MOXD1: variants seen among roughly 807,000 people sequenced by gnomAD.
MOXD1 encodes the protein monooxygenase DBH like 1.
A neutral mutation model predicts 66.6 loss-of-function variants in MOXD1; 62 were observed. The observed-to-expected ratio is 0.93, with a 90% CI of 0.76 to 1.15. The LOEUF (loss-of-function observed/expected upper bound fraction) is 1.15. MOXD1 is among the 50% of genes most tolerant of loss of function. MOXD1 has a pLI of 0.00. For missense variants in MOXD1, 847 were observed against 754.6 expected (o/e 1.12, Z -1.44); for synonymous variants, 303 against 281.9 (o/e 1.07, Z -0.75).
At chr6:132,391,374 T>G (rs1420952415) in intron 1 of MOXD1, 1 of 152,184 alleles carries the variant, frequency 6.6e-6, no homozygotes, top group African/African-American at 2.4e-5. Context: ...TAATAAAAAT[T>G]ATCCATTTGA....
rs199885621 is a variant in MOXD1 at position 132,308,383 on chromosome 6, C to T, written c.1508+7252G>A. ...TGAAGTTGAGGCAGTAATTAATAGC[C>T]TACTAACAAAAAGAAGCCCAGGAAC... On this transcript the variant is annotated intron_variant, in intron 10 of 11. Coordinates refer to ENST00000367963, the MANE Select transcript of MOXD1 (RefSeq NM_015529.4). Among the ~76,000 whole-genome samples the T allele has an allele frequency of 5.9e-5, 9 of 152,096 alleles. No homozygotes were observed. The East Asian group carries it at 1.5e-3, about 26-fold the overall frequency.
At chr6:132,341,292 G>A (rs944674549) in intron 4 of MOXD1, among the ~76,000 whole-genome samples, 7 of 152,080 alleles carry the variant, frequency 4.6e-5, no homozygotes, top group South Asian at 2.1e-4. Flanking sequence ...TCTTGGAATC[G>A]GACAATAGCT....
chr6:132,400,811 C>CCCAAAG (rs2114705763), intron 1 of MOXD1, among the ~76,000 whole-genome samples: 2 of 152,276 alleles, frequency 1.3e-5, no homozygotes, highest in South Asian at 4.1e-4. Flanking sequence ...CCATTAGGTC[C>CCCAAAG]CCAAAGCCAA....
intron 4 of MOXD1, among the ~76,000 whole-genome samples, chr6:132,342,334 G>C (rs1031484913): frequency 6.6e-6 from 1 of 152,178 alleles, no homozygotes; most frequent in Admixed American, 6.5e-5. Context: ...AAAACTAAAG[G>C]AGAAATGTGT....
intron 4 of MOXD1, among the ~76,000 whole-genome samples, chr6:132,344,257 C>T (rs187947312): frequency 1.3e-5 from 2 of 152,164 alleles, no homozygotes; most frequent in East Asian, 1.9e-4. Context: ...ACTGAATGGC[C>T]CATGACAACT....
chr6:132,389,783 C>G lies in MOXD1; in HGVS notation c.264+11380G>C, dbSNP rs972835936. ...CAAAAGGATCTGGGTCTGCCAAGTA[C>G]CAGGAGGCCTAGTGTCTACCTGGTT... is the stretch of plus-strand genomic sequence containing the variant. On this transcript the variant is annotated intron_variant, in intron 1 of 11. Coordinates refer to ENST00000367963, the MANE Select transcript of MOXD1 (RefSeq NM_015529.4). 5.3e-5 allele frequency among the ~76,000 whole-genome samples: 8 copies of G among 151,422 alleles called. 1 individual carries two copies. The highest frequency in any genetic ancestry group is 1.0e-4 in the Non-Finnish European group (7 of 67,710).
Position 132,372,898 on chromosome 6 carries a change from A to T in MOXD1, c.511T>A (p.Leu171Ile). 6.2e-7 allele frequency: 1 copy of T among 1,614,010 alleles called. No homozygotes were observed. The highest frequency in any genetic ancestry group is 8.5e-7 in the Non-Finnish European group (1 of 1,179,936). Residue 171 changes from leucine to isoleucine, a missense_variant, in exon 3 of 12, where the codon TTA becomes ATA. Coordinates refer to ENST00000367963, the MANE Select transcript of MOXD1 (RefSeq NM_015529.4). The part of the protein sequence containing the change: ...DSNRGTKSLR[L>I]LNPEKTSVLS... ...ACACTAGTTTTCTCAGGATTCAATA[A>T]CCGCAAACTCTTGGTGCCCCTATTG...
At position 132,297,817 on chromosome 6, in the gene MOXD1, T is replaced by A; in HGVS notation, c.1647A>T (p.Arg549Ser). ...ACTCAGCATTGTCTGTCTTGGAACA[T>A]CTCACATTCACTGGCAGGCTGAGGA... The part of the protein sequence containing the change: ...KLVLSLPVNV[R>S]CSKTDNAEWS... The change falls in exon 11 of 12, where the codon AGA (arginine) becomes AGT (serine). Residue 549 changes from arginine to serine, a missense_variant. Arg to Ser is a moderately radical substitution (Grantham distance 110). Transcript: ENST00000367963. The A allele has an allele frequency of 3.1e-6, 5 of 1,612,502 alleles. No individual in the cohort carries two copies. Among genetic ancestry groups the A allele is most frequent in the East Asian group, 2.2e-5 (1 of 44,804 alleles).
In MOXD1 at chr6:132,297,011, T is replaced by C; in HGVS notation, c.*142A>G. 5 of 722,914 alleles carry C rather than the reference T, an allele frequency of 6.9e-6. No individual in the cohort carries two copies. The highest frequency in any genetic ancestry group is 1.1e-5 in the Non-Finnish European group (5 of 450,550). 44.8% of individuals were successfully genotyped at this position (722,914 alleles called of 1,614,324 possible). A position where few individuals can be genotyped will look rare whatever the true frequency, so the allele number is the denominator to read the frequency against. ...CCTGATTGATGTCTCTCATGTAACA[T>C]GGAAAGGAAAAAGGAGGGAGGGAAA... On this transcript the variant is annotated 3_prime_UTR_variant, in exon 12 of 12. Coordinates refer to ENST00000367963, the MANE Select transcript of MOXD1 (RefSeq NM_015529.4).
intron 6 of MOXD1, among the ~76,000 whole-genome samples, chr6:132,325,564 C>T (rs1050005128): frequency 6.6e-6 from 1 of 152,164 alleles, no homozygotes; most frequent in Non-Finnish European, 1.5e-5. Context: ...TCATCAGATG[C>T]CAGTACCTTG....
At chr6:132,312,378 C>T (rs1241063461) in intron 10 of MOXD1, among the ~76,000 whole-genome samples, 1 of 152,014 alleles carries the variant, frequency 6.6e-6, no homozygotes, top group East Asian at 1.9e-4. Context: ...TGGTAATATT[C>T]TTCTAAGCAA....
rs373137834 is a variant in MOXD1, at chr6:132,339,867, C to CTTT, written c.664-11276_664-11274dup. ...GCAAGCTCAAAATGAAGCTACAGCT[C>CTTT]TTTTTTTTTTTTTTTTTTCTGTGAT... On this transcript the variant is annotated intron_variant, in intron 4 of 11. Coordinates refer to ENST00000367963, the MANE Select transcript of MOXD1 (RefSeq NM_015529.4). Among the ~76,000 whole-genome samples, 183 of 132,324 alleles carry CTTT rather than the reference C, an allele frequency of 1.4e-3. 2 individuals are homozygous for CTTT. The highest frequency in any genetic ancestry group is 4.9e-3 in the African/African-American group (170 of 34,514). 86.8% of individuals were successfully genotyped at this position (132,324 alleles called of 152,430 possible). A position where few individuals can be genotyped will look rare whatever the true frequency, so the allele number is the denominator to read the frequency against.
intron 4 of MOXD1, among the ~76,000 whole-genome samples, chr6:132,348,999 G>A (rs1320641001): frequency 2.0e-5 from 3 of 151,518 alleles, no homozygotes; most frequent in African/African-American, 7.3e-5. Flanking sequence ...ATTTTTCCAA[G>A]GGTTACGGGG....
intron 1 of MOXD1, among the ~76,000 whole-genome samples, chr6:132,399,540 T>A (rs1776973552): frequency 6.6e-6 from 1 of 152,212 alleles, no homozygotes; most frequent in Admixed American, 6.5e-5. Context: ...TTTATCTTTG[T>A]GGTGGGCCTA....
intron 10 of MOXD1, among the ~76,000 whole-genome samples, chr6:132,308,879 A>G (rs1385806003): frequency 1.3e-5 from 2 of 152,196 alleles, no homozygotes; most frequent in Non-Finnish European, 2.9e-5. Flanking sequence ...TCAAAATAAT[A>G]AGAGCTATTT....
intron 10 of MOXD1, among the ~76,000 whole-genome samples, chr6:132,300,036 A>G (rs1774497225): frequency 6.6e-6 from 1 of 152,078 alleles, no homozygotes; most frequent in South Asian, 2.1e-4. Flanking sequence ...TATTTCTTCC[A>G]TATCTAATAA....
Position 132,297,827 on chromosome 6 carries a change from A to G in MOXD1, c.1637T>C (p.Val546Ala). The part of the protein sequence containing the change: ...SFNKLVLSLP[V>A]NVRCSKTDNA... ...GTCTGTCTTGGAACATCTCACATTC[A>G]CTGGCAGGCTGAGGACCAGCTTGTT... is the stretch of plus-strand genomic sequence containing the variant. Residue 546 changes from valine to alanine, a missense_variant, in exon 11 of 12, where the codon GTG (valine) becomes GCG (alanine). Coordinates refer to ENST00000367963, the MANE Select transcript of MOXD1 (RefSeq NM_015529.4). The G allele has an allele frequency of 6.2e-7, 1 of 1,612,678 alleles. No individual in the cohort carries two copies. Among genetic ancestry groups the G allele is most frequent in the Non-Finnish European group, 8.5e-7 (1 of 1,179,330 alleles).
At chr6:132,357,931 T>G (rs1173670438) in intron 4 of MOXD1, among the ~76,000 whole-genome samples, 1 of 152,140 alleles carries the variant, frequency 6.6e-6, no homozygotes, top group Non-Finnish European at 1.5e-5. Flanking sequence ...AATAAAATGT[T>G]GACAAAAGCA....
At chr6:132,349,400 TATATACATATATATATATATAC>T (rs1562289874) in intron 4 of MOXD1, among the ~76,000 whole-genome samples, 1 of 44,122 alleles carries the variant, frequency 2.3e-5, no homozygotes, top group African/African-American at 1.0e-4. Context: ...TATACACATA[TATATACATATATATATATATAC>T]ATATATATAT....
Sources: gnomAD v4.1 joint callset for allele counts (sites outside exome capture counted in the v4.1 genomes callset) on GRCh38, gnomAD v4.1.1 for gene constraint, MANE v1.5 for transcripts, NCBI Gene and HGNC (gene_info 2026-07-23, HGNC 2026-07-21) for gene names.